TCERG1: variants seen among roughly 807,000 people sequenced by gnomAD.
The protein encoded by TCERG1 is transcription elongation regulator 1, also known as TATA box binding protein (TBP)-associated factor, RNA polymerase II, S, 150kD.
TCERG1 carries 37 observed loss-of-function variants against 144.7 expected under a neutral mutation model. That is an observed-to-expected ratio of 0.26 (90% CI 0.20 to 0.34). The LOEUF (loss-of-function observed/expected upper bound fraction) is 0.34. TCERG1 is among the 10% of genes least tolerant of loss of function. The probability of loss-of-function intolerance (pLI) is 1.00; values close to 1 mark genes in which losing one functional copy is unlikely to be tolerated. For synonymous variants in TCERG1, 492 were observed against 458.2 expected (o/e 1.07, Z -0.94); for missense variants, 1,027 against 1,380.7 (o/e 0.74, Z 4.06).
chr5:146,461,473 A>G (rs573856104), intron 4 of TCERG1, among the ~76,000 whole-genome samples: 11 of 152,248 alleles, frequency 7.2e-5, no homozygotes, highest in African/African-American at 2.6e-4. Context: ...GAATTTACCC[A>G]CTGAAGTCTT....
At chr5:146,449,265 A>G (rs1762157426) in intron 1 of TCERG1, among the ~76,000 whole-genome samples, 1 of 152,230 alleles carries the variant, frequency 6.6e-6, no homozygotes, top group South Asian at 2.1e-4. Flanking sequence ...ATTTAAAGAT[A>G]CTTCACTTAT....
chr5:146,478,631 A>T lies in TCERG1; in HGVS notation c.1740A>T (p.Gly580=). 1 of 1,594,096 alleles carries T rather than the reference A, an allele frequency of 6.3e-7. No individual in the cohort carries two copies. The highest frequency in any genetic ancestry group is 8.5e-7 in the Non-Finnish European group (1 of 1,174,472). ...TTCAGGAGCCCCCTCATAAAAAAGG[A>T]ATGGAGGAATTGAAGAAACTAAGTA... The part of the protein sequence containing the change: ...KIIQEPPHKK[G]MEELKKLRHP... The change falls in exon 10 of 23, where the codon GGA becomes GGT. Residue 580 remains glycine, a synonymous_variant. Coordinates refer to ENST00000679501, the MANE Select transcript of TCERG1 (RefSeq NM_001382548.1).
intron 1 of TCERG1, among the ~76,000 whole-genome samples, chr5:146,452,320 A>G (rs1180709022): frequency 1.3e-5 from 2 of 152,166 alleles, no homozygotes; most frequent in Non-Finnish European, 2.9e-5. Flanking sequence ...TGTATAATGT[A>G]GATGTATAGT....
At chr5:146,490,105 C>T (rs942969057) in intron 15 of TCERG1, among the ~76,000 whole-genome samples, 6 of 152,168 alleles carry the variant, frequency 3.9e-5, no homozygotes, top group Admixed American at 3.9e-4. Context: ...ACAACTTTCT[C>T]CCTCTCTTCA....
intron 7 of TCERG1, 159 bp downstream of exon 7, chr5:146,469,903 T>C: frequency 1.9e-6 from 1 of 520,738 alleles, no homozygotes; most frequent in Non-Finnish European, 3.1e-6. Context: ...AATATTTATT[T>C]TAAAAACTAG....
rs777239089 is a variant in TCERG1 at position 146,455,190 on chromosome 5, C to T, written c.194C>T (p.Pro65Leu). ...MMRGPPPPPR[P>L]PFGRPPFDPN... is the part of the protein sequence containing the mutation. ...CGAGGCCCTCCTCCACCACCACGGCCGCCCTTTGGACGTCCTCCTTTTGAT... is the reference window on the plus strand; with the variant it reads ...CGAGGCCCTCCTCCACCACCACGGCTGCCCTTTGGACGTCCTCCTTTTGAT... Residue 65 changes from proline to leucine, a missense_variant, in exon 2 of 23, where the codon CCG becomes CTG. Physicochemically the swap from Pro to Leu is moderately conservative, Grantham distance 98 (BLOSUM62 -3). Transcript: ENST00000679501. The T allele has an allele frequency of 2.9e-5, 47 of 1,614,212 alleles. No individual in the cohort carries two copies. The highest frequency in any genetic ancestry group is 8.3e-5 in the Admixed American group (5 of 60,026).
chr5:146,454,590 G>GTTGT lies in TCERG1; in HGVS notation c.60-447_60-444dup, dbSNP rs954448902. On this transcript the variant is annotated intron_variant, in intron 1 of 22. Coordinates refer to ENST00000679501, the MANE Select transcript of TCERG1 (RefSeq NM_001382548.1). ...GTAAGTTTTTTTTTTTGTTTTTTTGGTTGTTTGTTTGTTTGTTTGTTTTTT... is the reference window on the plus strand; with the variant it reads ...GTAAGTTTTTTTTTTTGTTTTTTTGGTTGTTTGTTTGTTTGTTTGTTTGTTTTTT... Among the ~76,000 whole-genome samples the GTTGT allele has an allele frequency of 9.6e-4, 145 of 150,946 alleles. 1 individual carries two copies. The highest frequency in any genetic ancestry group is 3.3e-3 in the African/African-American group (136 of 41,130).
chr5:146,453,366 T>G (rs1408695490), intron 1 of TCERG1, among the ~76,000 whole-genome samples: 1 of 152,220 alleles, frequency 6.6e-6, no homozygotes, highest in Non-Finnish European at 1.5e-5. Flanking sequence ...ATATTTTACC[T>G]CTTCTGCTTT....
Position 146,463,800 on chromosome 5 carries a change from C to T in TCERG1, c.1135+7C>T. 1 of 1,614,108 alleles carries T rather than the reference C, an allele frequency of 6.2e-7. No homozygotes were observed. Among genetic ancestry groups the T allele is most frequent in the Non-Finnish European group, 8.5e-7 (1 of 1,179,998 alleles). On this transcript the variant is annotated splice_region_variant and intron_variant, in intron 5 of 22. Transcript: ENST00000679501. ...ATGCCAATTCCACTTCCAGGTAAAC[C>T]AACAGATTATAATGGTCTTTCCAGC... is the stretch of plus-strand genomic sequence containing the variant.
At chr5:146,504,540 G>GT (rs1561705886) in intron 19 of TCERG1, 2 of 152,222 alleles carry the variant, frequency 1.3e-5, no homozygotes, top group African/African-American at 4.8e-5. Flanking sequence ...CTAGACTACC[G>GT]TCCTACTTGC....
At chr5:146,452,663 C>T (rs528568718) in intron 1 of TCERG1, among the ~76,000 whole-genome samples, 53 of 152,312 alleles carry the variant, frequency 3.5e-4, no homozygotes, top group African/African-American at 1.2e-3. Context: ...AATCTCGGCT[C>T]ACTGCAACCT....
chr5:146,491,584 GGGCACA>G (rs1055788771), intron 15 of TCERG1, among the ~76,000 whole-genome samples: 21 of 152,234 alleles, frequency 1.4e-4, no homozygotes, highest in African/African-American at 4.3e-4. Context: ...TCTGGCTGGA[GGGCACA>G]GATCTCTCTG....
At chr5:146,479,357 A>G (rs996131862) in intron 10 of TCERG1, among the ~76,000 whole-genome samples, 2 of 152,122 alleles carry the variant, frequency 1.3e-5, no homozygotes, top group African/African-American at 2.4e-5. Flanking sequence ...TTCATGCATT[A>G]TATATATGCT....
chr5:146,493,071 GTA>G lies in TCERG1; in HGVS notation c.2282+35_2282+36del, dbSNP rs774999353. On this transcript the variant is annotated intron_variant, in intron 16 of 22. Coordinates refer to ENST00000679501, the MANE Select transcript of TCERG1 (RefSeq NM_001382548.1). The stretch of plus-strand genomic sequence containing the variant: ...GTTTGTTTCTCTTAAATATCAAAGT[GTA>G]TTTATTTTCTCCTAAGATCAGTTTT... 3 of 1,392,746 alleles carry G rather than the reference GTA, an allele frequency of 2.2e-6. No homozygotes were observed. The African/African-American group carries it at 4.4e-5, about 20-fold the overall frequency. 86.3% of individuals were successfully genotyped at this position (1,392,746 alleles called of 1,614,324 possible).
intron 17 of TCERG1, among the ~76,000 whole-genome samples, chr5:146,501,519 A>G (rs1416439686): frequency 6.6e-6 from 1 of 152,232 alleles, no homozygotes; most frequent in Non-Finnish European, 1.5e-5. Context: ...TTTTAAGCTA[A>G]TACAAATTCC....
Position 146,477,436 on chromosome 5 carries a change from A to G in TCERG1, c.1602-1057A>G, listed in dbSNP as rs183574781. ...GCTACTGCAACCATGCCACTCTGCA[A>G]CCAGAGATCACCCTCAGGGCAGAGC... On this transcript the variant is annotated intron_variant, in intron 9 of 22. Coordinates refer to ENST00000679501, the MANE Select transcript of TCERG1 (RefSeq NM_001382548.1). Among the ~76,000 whole-genome samples, 13 of 152,296 alleles carry G rather than the reference A, an allele frequency of 8.5e-5. No homozygotes were observed. The East Asian group carries it at 2.5e-3, about 29-fold the overall frequency.
At chr5:146,486,504 G>T (rs12055124) in intron 15 of TCERG1, among the ~76,000 whole-genome samples, 37,260 of 152,032 alleles carry the variant, frequency 0.25, 5,682 homozygotes, top group East Asian at 0.83. Context: ...ATAGATAGTC[G>T]TTATGCTATT....
chr5:146,465,179 A>T (rs1247444328), intron 5 of TCERG1, among the ~76,000 whole-genome samples: 1 of 152,180 alleles, frequency 6.6e-6, no homozygotes, highest in East Asian at 1.9e-4. Flanking sequence ...GAATAGCCTG[A>T]TATTTGTCAC....
intron 3 of TCERG1, 38 bp downstream of exon 3, chr5:146,457,373 CAG>C (rs1448790106): frequency 1.3e-6 from 2 of 1,550,442 alleles, no homozygotes; most frequent in African/African-American, 2.8e-5. Context: ...CATTTGTTGA[CAG>C]AGGAGTAAAA....
Sources: gnomAD v4.1 joint callset for allele counts (sites outside exome capture counted in the v4.1 genomes callset) on GRCh38, gnomAD v4.1.1 for gene constraint, MANE v1.5 for transcripts, NCBI Gene and HGNC (gene_info 2026-07-23, HGNC 2026-07-21) for gene names.